The following EPHA4 variants were observed in gnomAD, a reference collection of about 807,000 sequenced individuals.
EPHA4 encodes the protein EPH receptor A4.
In EPHA4, 19 loss-of-function variants were observed where a neutral mutation model predicts 108.3. The observed-to-expected ratio is 0.18, with a 90% CI of 0.12 to 0.26. The LOEUF (loss-of-function observed/expected upper bound fraction) is 0.26, where lower values mean the gene tolerates loss of function less well. Ranked by LOEUF, EPHA4 falls within the 10% of genes least tolerant of loss-of-function variation. EPHA4 has a pLI of 1.00. For synonymous variants in EPHA4, 449 were observed against 455.5 expected, an observed-to-expected ratio of 0.99 and a Z score of 0.18; for missense variants, 917 against 1,254.0, an observed-to-expected ratio of 0.73 and a Z score of 4.06.
intron 5 of EPHA4, among the ~76,000 whole-genome samples, chr2:221,467,315 C>G (rs1273044365): frequency 6.6e-6 from 1 of 152,074 alleles, no homozygotes; most frequent in Non-Finnish European, 1.5e-5. Context: ...TCGAATCTTG[C>G]CCACTTTTCC....
chr2:221,456,254 T>C (rs1690949831), intron 7 of EPHA4, among the ~76,000 whole-genome samples: 1 of 152,170 alleles, frequency 6.6e-6, no homozygotes, highest in African/African-American at 2.4e-5. Flanking sequence ...GCGCCTTCTT[T>C]AATCTTCTCA....
Position 221,426,596 on chromosome 2 carries a change from G to C in EPHA4, c.2714C>G (p.Pro905Arg), listed in dbSNP as rs1689918056. Residue 905 changes from proline (P) to arginine (R), a missense_variant, in exon 16 of 18, where the codon CCA (proline) becomes CGA (arginine). By Grantham distance (103) the Pro-to-Arg change is moderately radical. Around this residue, in one of 3 missense-constraint regions of EPHA4, gnomAD observed 133 missense variants for 132.8 expected, o/e 1.00. Transcript: ENST00000281821. ...SSRPNTALLDPSSPEFSAVVS... is the reference protein window; with the variant it reads ...SSRPNTALLDRSSPEFSAVVS... ...CACAGCAGAGAATTCAGGGGAGCTT[G>C]GATCCAACAAGGCAGTGTTAGGTCT... 6.2e-7 allele frequency: 1 copy of C among 1,613,594 alleles called. No individual in the cohort carries two copies. Among genetic ancestry groups the C allele is most frequent in the Admixed American group, 1.7e-5 (1 of 59,872 alleles).
chr2:221,487,375 T>C (rs1346078196), intron 4 of EPHA4, among the ~76,000 whole-genome samples: 2 of 152,194 alleles, frequency 1.3e-5, no homozygotes, highest in African/African-American at 2.4e-5. Context: ...CAGCGACGGC[T>C]GGGAATTTGA....
intron 3 of EPHA4, among the ~76,000 whole-genome samples, chr2:221,544,639 C>T (rs972742440): frequency 1.3e-5 from 2 of 152,106 alleles, no homozygotes; most frequent in African/African-American, 2.4e-5. Flanking sequence ...TGTTCACAAC[C>T]TTTTATGAAA....
intron 3 of EPHA4, among the ~76,000 whole-genome samples, chr2:221,562,942 T>C (rs1295207390): frequency 5.9e-5 from 9 of 152,270 alleles, no homozygotes; most frequent in African/African-American, 1.9e-4. Flanking sequence ...CTTAGTAATA[T>C]GGTAAGTAGT....
intron 5 of EPHA4, among the ~76,000 whole-genome samples, chr2:221,478,916 C>G (rs1026070536): frequency 1.3e-5 from 2 of 152,232 alleles, no homozygotes; most frequent in African/African-American, 2.4e-5. Flanking sequence ...GACAGACATT[C>G]AGATTTCCTT....
Position 221,466,420 on chromosome 2 carries a change from G to A in EPHA4, c.1319-8430C>T, listed in dbSNP as rs1305255016. 3.9e-5 allele frequency among the ~76,000 whole-genome samples: 6 copies of A among 152,036 alleles called. No homozygotes were observed. The East Asian group carries it at 9.7e-4, about 24-fold the overall frequency. ...CTGGGCAAGGCACTTGCACATACAC[G>A]CACACCTGACATCATTTCATCCCTA... On this transcript the variant is annotated intron_variant, in intron 5 of 17. Coordinates refer to ENST00000281821, the MANE Select transcript of EPHA4 (RefSeq NM_004438.5).
At chr2:221,458,184 G>A (rs1251615884) in intron 5 of EPHA4, among the ~76,000 whole-genome samples, 194 bp from the exon 6 acceptor site, 2 of 152,098 alleles carry the variant, frequency 1.3e-5, no homozygotes, top group African/African-American at 2.4e-5. Context: ...GCATGTGTTT[G>A]TCTTAAAAAG....
intron 11 of EPHA4, among the ~76,000 whole-genome samples, chr2:221,441,153 A>AGC (rs1553569314): frequency 1.3e-5 from 2 of 150,648 alleles, no homozygotes; most frequent in Non-Finnish European, 2.9e-5. Flanking sequence ...GTGTCCTACT[A>AGC]GCCACCTGCC....
intron 3 of EPHA4, among the ~76,000 whole-genome samples, chr2:221,516,352 ATTT>A (rs10606305): frequency 1.2e-4 from 15 of 123,302 alleles, no homozygotes; most frequent in East Asian, 2.4e-4. Context: ...AGATTCAATG[ATTT>A]TTTTTTTTTT....
At chr2:221,430,504 T>C (rs1380909248) in intron 14 of EPHA4, among the ~76,000 whole-genome samples, 1 of 151,350 alleles carries the variant, frequency 6.6e-6, no homozygotes, top group Admixed American at 6.6e-5. Context: ...TCCATTCTGC[T>C]ATTAGCACAC....
intron 3 of EPHA4, among the ~76,000 whole-genome samples, chr2:221,553,320 C>A (rs564177607): frequency 1.3e-5 from 2 of 152,228 alleles, no homozygotes; most frequent in South Asian, 4.2e-4. Flanking sequence ...GAGACAGCTG[C>A]GATCCTAATG....
chr2:221,509,295 T>C (rs1428191608), intron 3 of EPHA4, among the ~76,000 whole-genome samples: 1 of 152,202 alleles, frequency 6.6e-6, no homozygotes. Flanking sequence ...GCCATTGCAC[T>C]CCAGCCTGGG....
intron 3 of EPHA4, among the ~76,000 whole-genome samples, chr2:221,559,575 A>T (rs889527388): frequency 4.7e-4 from 72 of 151,792 alleles, no homozygotes; most frequent in African/African-American, 1.6e-3. Flanking sequence ...AAAATAAATT[A>T]AAAAAAAATT....
chr2:221,549,523 C>T (rs951703942), intron 3 of EPHA4, among the ~76,000 whole-genome samples: 3 of 152,224 alleles, frequency 2.0e-5, no homozygotes, highest in Non-Finnish European at 4.4e-5. Context: ...CACATTCACT[C>T]TGCAGTGAAA....
intron 3 of EPHA4, among the ~76,000 whole-genome samples, chr2:221,503,119 T>C (rs1574617600): frequency 1.3e-5 from 2 of 152,180 alleles, no homozygotes; most frequent in South Asian, 4.1e-4. Context: ...ACAAACCCAC[T>C]GGGTCCCGCC....
intron 16 of EPHA4, 84 bp downstream of exon 16, chr2:221,426,380 G>C: frequency 6.8e-7 from 1 of 1,468,012 alleles, no homozygotes; most frequent in Non-Finnish European, 9.1e-7. Context: ...TAAATGAGTA[G>C]GATGATTACG....
chr2:221,529,738 C>A (rs913092250), intron 3 of EPHA4, among the ~76,000 whole-genome samples: 1 of 152,170 alleles, frequency 6.6e-6, no homozygotes, highest in Non-Finnish European at 1.5e-5. Context: ...AAGTTGCTGA[C>A]AATGGAGTAT....
chr2:221,523,405 AG>A (rs578004951), intron 3 of EPHA4, among the ~76,000 whole-genome samples: 27 of 151,644 alleles, frequency 1.8e-4, no homozygotes, highest in African/African-American at 6.0e-4. Context: ...CTCCTGCCTC[AG>A]CCTCCCGAGT....
Sources: allele counts gnomAD v4.1 joint callset (sites outside exome capture counted in the v4.1 genomes callset), GRCh38; gene constraint gnomAD v4.1.1; regional missense constraint gnomAD v4.1.1; transcripts MANE v1.5; gene names NCBI Gene and HGNC (gene_info 2026-07-23, HGNC 2026-07-21).